Variants in KIAA0232 observed in about 807,000 individuals in gnomAD.
KIAA0232 encodes KIAA0232.
A neutral mutation model predicts 122.0 loss-of-function variants in KIAA0232; 27 were observed. The ratio of observed to expected loss-of-function variants is 0.22; its 90% confidence interval spans 0.16 to 0.31. The LOEUF (loss-of-function observed/expected upper bound fraction) is 0.31. Among genes scored for constraint, KIAA0232 ranks in the 10% least tolerant of loss-of-function variants. The pLI is 1.00. For missense variants in KIAA0232, 1,551 were observed against 1,634.2 expected (o/e 0.95, Z 0.88); for synonymous variants, 613 against 587.6 (o/e 1.04, Z -0.63).
chr4:6,833,136 A>C (rs570452017), intron 3 of KIAA0232, among the ~76,000 whole-genome samples: 1 of 152,316 alleles, frequency 6.6e-6, no homozygotes, highest in South Asian at 2.1e-4. Flanking sequence ...GTTACAGTTT[A>C]TTAGAATCTT....
At chr4:6,791,111 G>A (rs1000510628) in intron 1 of KIAA0232, among the ~76,000 whole-genome samples, 10 of 150,630 alleles carry the variant, frequency 6.6e-5, no homozygotes, top group Non-Finnish European at 1.0e-4. Context: ...GTAGAGATGG[G>A]GTTTTGCCAT....
In KIAA0232 at chr4:6,824,406, A is replaced by G. The variant is rs199710121; in HGVS notation, c.-48A>G. ...CCCCTCCAGATACCAACAGAATATC[A>G]ACTGCAGAAAATGCTTCACATTTTA... On this transcript the variant is annotated 5_prime_UTR_variant, in exon 3 of 10. Transcript: ENST00000307659. The G allele has an allele frequency of 3.4e-4, 481 of 1,430,912 alleles. No individual in the cohort carries two copies. The highest frequency in any genetic ancestry group is 5.3e-4 in the Middle Eastern group (3 of 5,672). The allele number at this position is 1,430,912 out of a possible 1,614,324, so 88.6% of individuals were successfully genotyped here. A position where few individuals can be genotyped will look rare whatever the true frequency, so the allele number is the denominator to read the frequency against.
chr4:6,807,946 T>G (rs1024599303), intron 2 of KIAA0232, among the ~76,000 whole-genome samples: 13 of 152,278 alleles, frequency 8.5e-5, no homozygotes, highest in African/African-American at 3.1e-4. Flanking sequence ...TGTGCACCTG[T>G]AGTCCCAGCT....
At chr4:6,811,359 A>G (rs1237411235) in intron 2 of KIAA0232, among the ~76,000 whole-genome samples, 1 of 152,244 alleles carries the variant, frequency 6.6e-6, no homozygotes, top group Admixed American at 6.5e-5. Flanking sequence ...GGCACAAGCC[A>G]GACATAGAAA....
intron 4 of KIAA0232, among the ~76,000 whole-genome samples, chr4:6,851,653 A>G (rs747690532): frequency 6.9e-6 from 1 of 145,486 alleles, no homozygotes; most frequent in Non-Finnish European, 1.5e-5. Context: ...GAGGTCAAGG[A>G]TATGGTGAGC....
chr4:6,791,495 A>G (rs1230469416), intron 1 of KIAA0232, among the ~76,000 whole-genome samples: 1 of 150,034 alleles, frequency 6.7e-6, no homozygotes, highest in Admixed American at 6.6e-5. Context: ...CACCCAGCTA[A>G]TTTTTAAATT....
chr4:6,858,525 G>C lies in KIAA0232; in HGVS notation c.518+19G>C. 6.6e-7 allele frequency: 1 copy of C among 1,510,242 alleles called. No individual in the cohort carries two copies. Among genetic ancestry groups the C allele is most frequent in the South Asian group, 1.2e-5 (1 of 83,804 alleles). The allele number at this position is 1,510,242 out of a possible 1,614,324, so 93.6% of individuals were successfully genotyped here. On this transcript the variant is annotated intron_variant, in intron 6 of 9. Coordinates refer to ENST00000307659, the MANE Select transcript of KIAA0232 (RefSeq NM_014743.3). ...TGGAAATGTATGTAAGATTGTATTCGGTAATAAAGTGTGCATTTGTTAAAA... is the reference window on the plus strand; with the variant it reads ...TGGAAATGTATGTAAGATTGTATTCCGTAATAAAGTGTGCATTTGTTAAAA...
intron 4 of KIAA0232, among the ~76,000 whole-genome samples, chr4:6,854,321 C>G (rs913624791): frequency 6.6e-6 from 1 of 152,126 alleles, no homozygotes; most frequent in Middle Eastern, 3.2e-3. Context: ...CACACATGCC[C>G]TTTGCTGCCC....
chr4:6,843,129 T>G (rs1719753954), intron 4 of KIAA0232, among the ~76,000 whole-genome samples: 1 of 152,228 alleles, frequency 6.6e-6, no homozygotes, highest in Non-Finnish European at 1.5e-5. Context: ...AATAACAAAA[T>G]AATTAAAAAA....
intron 2 of KIAA0232, among the ~76,000 whole-genome samples, chr4:6,815,825 TAATG>T (rs1469456282): frequency 6.6e-6 from 1 of 152,212 alleles, no homozygotes; most frequent in African/African-American, 2.4e-5. Flanking sequence ...TTAAGGATAA[TAATG>T]CAAGCAAAGG....
In KIAA0232 at chr4:6,790,915, CTT is replaced by C. The variant is rs35766310; in HGVS notation, c.-354+8096_-354+8097del. Among the ~76,000 whole-genome samples, 277 of 92,928 alleles carry C rather than the reference CTT, an allele frequency of 3.0e-3. 1 individual carries two copies. The highest frequency in any genetic ancestry group is 0.014 in the South Asian group (37 of 2,652). The allele number at this position is 92,928 out of a possible 152,430, so 61.0% of individuals were successfully genotyped here. On this transcript the variant is annotated intron_variant, in intron 1 of 9. Coordinates refer to ENST00000307659, the MANE Select transcript of KIAA0232 (RefSeq NM_014743.3). Reference sequence around the variant, plus strand: ...TGAAGGAGTTTCTTGTTTTTATATACTTTTTTTTTTTTTTTTTTTTTTTGAGG... The same window carrying C: ...TGAAGGAGTTTCTTGTTTTTATATACTTTTTTTTTTTTTTTTTTTTTGAGG...
chr4:6,847,921 AAGCTAGTACTTTATC>A (rs1436641477), intron 4 of KIAA0232, among the ~76,000 whole-genome samples: 24 of 152,224 alleles, frequency 1.6e-4, no homozygotes, highest in Admixed American at 1.5e-3. Context: ...AACTGAATCA[AAGCTAGTACTTTATC>A]TCCCACTTTG....
Position 6,801,491 on chromosome 4 carries a change from C to T in KIAA0232, c.-353-3032C>T, listed in dbSNP as rs1160272630. The stretch of plus-strand genomic sequence containing the variant: ...ATTGCTTGAGCCTAGGAGTTCGTGA[C>T]CAGCCTGAGCAATGTAGTGCGACCC... On this transcript the variant is annotated intron_variant, in intron 1 of 9. Coordinates refer to ENST00000307659, the MANE Select transcript of KIAA0232 (RefSeq NM_014743.3). 2.6e-5 allele frequency among the ~76,000 whole-genome samples: 4 copies of T among 152,002 alleles called. No individual in the cohort carries two copies. The East Asian group carries it at 7.7e-4, about 29-fold the overall frequency.
chr4:6,811,706 A>G (rs1472460328), intron 2 of KIAA0232, among the ~76,000 whole-genome samples: 2 of 151,048 alleles, frequency 1.3e-5, no homozygotes, highest in Admixed American at 6.6e-5. Flanking sequence ...CGGCCACCCA[A>G]AGTGCCGGGA....
At chr4:6,818,290 A>G (rs1374122644) in intron 2 of KIAA0232, among the ~76,000 whole-genome samples, 5 of 151,220 alleles carry the variant, frequency 3.3e-5, no homozygotes. Context: ...AATCCCAGCT[A>G]CTCGGGAGGC....
At chr4:6,845,868 G>T (rs537486455) in intron 4 of KIAA0232, among the ~76,000 whole-genome samples, 1 of 152,294 alleles carries the variant, frequency 6.6e-6, no homozygotes, top group East Asian at 1.9e-4. Context: ...CCTGTAGCTT[G>T]TTGAATTTGC....
At chr4:6,784,178 T>G (rs1716504370) in intron 1 of KIAA0232, among the ~76,000 whole-genome samples, 1 of 152,000 alleles carries the variant, frequency 6.6e-6, no homozygotes. Flanking sequence ...ATGTAGTTCT[T>G]GCTAATAATT....
rs376666007 is a variant in KIAA0232 at position 6,817,349 on chromosome 4, T to C, written c.-269-6836T>C. On this transcript the variant is annotated intron_variant, in intron 2 of 9. Coordinates refer to ENST00000307659, the MANE Select transcript of KIAA0232 (RefSeq NM_014743.3). The stretch of plus-strand genomic sequence containing the variant: ...CTTTCACCTCAGCCTCCCAAGTAGC[T>C]GGGACTACAAGCGTCCGCCACCATG... Among the ~76,000 whole-genome samples, 709 of 152,282 alleles carry C rather than the reference T, an allele frequency of 4.7e-3. 3 individuals carry two copies. Among genetic ancestry groups the C allele is most frequent in the African/African-American group, 0.016 (663 of 41,572 alleles).
At chr4:6,841,274 C>T (rs567854572) in intron 3 of KIAA0232, among the ~76,000 whole-genome samples, 1 of 152,362 alleles carries the variant, frequency 6.6e-6, no homozygotes, top group South Asian at 2.1e-4. Context: ...CTTCCAGCAG[C>T]ATTTTTCATA....
Sources: allele counts gnomAD v4.1 joint callset (sites outside exome capture counted in the v4.1 genomes callset), GRCh38; gene constraint gnomAD v4.1.1; transcripts MANE v1.5; gene names NCBI Gene and HGNC (gene_info 2026-07-23, HGNC 2026-07-21).